Variants in DMD observed in about 807,000 individuals in gnomAD.
DMD encodes mutant dystrophin.
DMD carries 63 observed loss-of-function variants against 330.1 expected under a neutral mutation model. The ratio of observed to expected loss-of-function variants is 0.19; its 90% CI spans 0.16 to 0.24. The LOEUF is 0.24. Among genes scored for constraint, DMD ranks in the 10% least tolerant of loss-of-function variants. The pLI is 1.00. For synonymous variants in DMD, 1,223 were observed against 959.8 expected (o/e 1.27, Z -5.07); for missense variants, 3,344 against 2,684.1 (o/e 1.25, Z -5.43).
intron 17 of DMD, among the ~76,000 whole-genome samples, chrX:32,529,332 C>T (rs1160540655): frequency 9.5e-6 from 1 of 104,743 alleles, no homozygotes; most frequent in Non-Finnish European, 1.9e-5. Flanking sequence ...TCAGGACTTC[C>T]TGAGGCTGTG....
rs752346201 is a variant in DMD, at chrX:31,456,876, G to GTGTGTGTGTGTGTATA, written c.8938-12250_8938-12249insTATACACACACACACA. Among the ~76,000 whole-genome samples, 98 of 68,713 alleles carry GTGTGTGTGTGTGTATA rather than the reference G, an allele frequency of 1.4e-3. 1 individual carries two copies. Among genetic ancestry groups the GTGTGTGTGTGTGTATA allele is most frequent in the East Asian group, 6.2e-3 (14 of 2,264 alleles). The allele number at this position is 68,713 out of a possible 115,157, so 59.7% of individuals were successfully genotyped here. A position where few individuals can be genotyped will look rare whatever the true frequency, so the allele number is the denominator to read the frequency against. ...TGTGTGTGTGTGTGTGTGTGTGTGT[G>GTGTGTGTGTGTGTATA]TATATATATATATATTATATACCTA... is the stretch of plus-strand genomic sequence containing the variant. On this transcript the variant is annotated intron_variant, in intron 59 of 78. Transcript: ENST00000357033.
chrX:31,460,918 G>A (rs781140333), intron 59 of DMD, among the ~76,000 whole-genome samples: 2 of 111,470 alleles, frequency 1.8e-5, no homozygotes, highest in Non-Finnish European at 3.8e-5. Flanking sequence ...ATTAATACTG[G>A]GAAGGCAAGT....
intron 2 of DMD, among the ~76,000 whole-genome samples, chrX:32,887,770 A>AAAAACAAAAAAC (rs1557117375): frequency 1.4e-5 from 1 of 70,337 alleles, no homozygotes; most frequent in Non-Finnish European, 2.9e-5. Context: ...AAAAAAAAAA[A>AAAAACAAAAAAC]AAAAAACATC....
chrX:32,291,634 A>G (rs1316116107), intron 42 of DMD, among the ~76,000 whole-genome samples: 1 of 111,723 alleles, frequency 9.0e-6, no homozygotes, highest in Non-Finnish European at 1.9e-5. Context: ...CATCCACATG[A>G]TTTGTGGTGT....
chrX:31,436,831 T>G (rs1477034997), intron 60 of DMD, among the ~76,000 whole-genome samples: 1 of 112,103 alleles, frequency 8.9e-6, no homozygotes, highest in Non-Finnish European at 1.9e-5. Flanking sequence ...TTCCTGGAAC[T>G]TAATTGTCCT....
At chrX:31,172,853 C>G (rs753524521) in intron 72 of DMD, among the ~76,000 whole-genome samples, 15 of 111,718 alleles carry the variant, frequency 1.3e-4, no homozygotes, top group Non-Finnish European at 2.5e-4. Flanking sequence ...AGAATATTGA[C>G]AAAGGATGGA....
rs1332652980 is a variant in DMD, at chrX:31,421,936, C to T, written c.9084+22545G>A. ...ACACATATATATATATATATATACA[C>T]ACACACATATATATATATATATACA... is the stretch of plus-strand genomic sequence containing the variant. On this transcript the variant is annotated intron_variant, in intron 60 of 78. Coordinates refer to ENST00000357033, the MANE Select transcript of DMD (RefSeq NM_004006.3). Among the ~76,000 whole-genome samples the T allele has an allele frequency of 1.3e-4, 7 of 55,737 alleles. 1 individual carries two copies. The highest frequency in any genetic ancestry group is 8.0e-4 in the South Asian group (1 of 1,248). The allele number at this position is 55,737 out of a possible 115,157, so 48.4% of individuals were successfully genotyped here. A position where few individuals can be genotyped will look rare whatever the true frequency, so the allele number is the denominator to read the frequency against.
At chrX:32,164,015 C>T (rs12009262) in intron 44 of DMD, among the ~76,000 whole-genome samples, 4,284 of 111,429 alleles carry the variant, frequency 0.038, 198 homozygotes, top group African/African-American at 0.13. Flanking sequence ...ATAATTTCTC[C>T]CCTTCCTTGA....
chrX:32,435,211 G>GAT (rs57151769), intron 29 of DMD, among the ~76,000 whole-genome samples: 22,290 of 94,644 alleles, frequency 0.24, 2,855 homozygotes, highest in African/African-American at 0.47. Flanking sequence ...CCCTCAGTGG[G>GAT]ATATATATAT....
At chrX:32,052,633 C>G (rs2096125550) in intron 44 of DMD, among the ~76,000 whole-genome samples, 1 of 111,522 alleles carries the variant, frequency 9.0e-6, no homozygotes, top group Non-Finnish European at 1.9e-5. Context: ...TAACATCACA[C>G]TACTGTCCAC....
intron 1 of DMD, among the ~76,000 whole-genome samples, chrX:33,327,381 A>C (rs746059562): frequency 9.0e-4 from 101 of 111,945 alleles, no homozygotes; most frequent in African/African-American, 3.0e-3. Context: ...AGAAGTAATC[A>C]ACCTTGGAAT....
chrX:33,045,315 T>TACACACACACACACACACACAC (rs55970492), intron 1 of DMD, among the ~76,000 whole-genome samples: 2,005 of 96,699 alleles, frequency 0.021, 27 homozygotes, highest in Non-Finnish European at 0.032. Context: ...CACAGGTGCG[T>TACACACACACACACACACACAC]ACACACACAC....
At chrX:31,668,294 G>C (rs959944738) in intron 53 of DMD, among the ~76,000 whole-genome samples, 2 of 110,320 alleles carry the variant, frequency 1.8e-5, no homozygotes, top group Admixed American at 9.7e-5. Context: ...TGTATTTTTC[G>C]GTTACTTTTG....
At chrX:32,905,366 A>G (rs1235919475) in intron 2 of DMD, among the ~76,000 whole-genome samples, 1 of 111,990 alleles carries the variant, frequency 8.9e-6, no homozygotes, top group Non-Finnish European at 1.9e-5. Flanking sequence ...TAATTTGAAC[A>G]ATTTCCAGTT....
At chrX:32,825,383 A>G (rs892829864) in intron 4 of DMD, among the ~76,000 whole-genome samples, 1 of 111,170 alleles carries the variant, frequency 9.0e-6, no homozygotes, top group African/African-American at 3.3e-5. Flanking sequence ...ATAAGGTCCA[A>G]TTTCCACTAT....
chrX:31,738,634 T>C (rs1256856991), intron 51 of DMD, among the ~76,000 whole-genome samples: 1 of 112,223 alleles, frequency 8.9e-6, no homozygotes, highest in African/African-American at 3.2e-5. Flanking sequence ...CCCATGTTTA[T>C]TGCAGCGCTA....
Position 32,727,231 on chromosome X carries a change from A to G in DMD, c.650-27938T>C, listed in dbSNP as rs1203365219. 4.5e-5 allele frequency among the ~76,000 whole-genome samples: 5 copies of G among 111,555 alleles called. No homozygotes were observed. In the East Asian group the frequency reaches 1.4e-3, roughly 31 times the overall value. On this transcript the variant is annotated intron_variant, in intron 7 of 78. Coordinates refer to ENST00000357033, the MANE Select transcript of DMD (RefSeq NM_004006.3). ...TCTCTAATCTGCACTAGAGAAGGTAATCTGCCCAGATTGGCTTAGATTACA... is the reference window on the plus strand; with the variant it reads ...TCTCTAATCTGCACTAGAGAAGGTAGTCTGCCCAGATTGGCTTAGATTACA...
At chrX:33,010,152 A>G (rs1447908877) in intron 2 of DMD, among the ~76,000 whole-genome samples, 1 of 104,153 alleles carries the variant, frequency 9.6e-6, no homozygotes, top group Non-Finnish European at 2.0e-5. Context: ...GTGTATATAT[A>G]CATGTGTGTA....
intron 45 of DMD, among the ~76,000 whole-genome samples, chrX:31,961,740 G>GTTTTTTTTTTTGTTTTTTTTTTT (rs775099231): frequency 4.4e-4 from 33 of 75,566 alleles, no homozygotes; most frequent in African/African-American, 1.7e-3. Context: ...AAAGGAAGCG[G>GTTTTTTTTTTTGTTTTTTTTTTT]TTTTTTTTTT....
Sources: allele counts gnomAD v4.1 joint callset (sites outside exome capture counted in the v4.1 genomes callset), GRCh38; gene constraint gnomAD v4.1.1; transcripts MANE v1.5; gene names NCBI Gene and HGNC (gene_info 2026-07-23, HGNC 2026-07-21).